PCDH9: variants seen among roughly 807,000 people sequenced by gnomAD.
PCDH9 encodes protocadherin 9, also known as protocadherin-9.
PCDH9 carries 24 observed loss-of-function variants against 70.6 expected under a neutral mutation model. The ratio of observed to expected loss-of-function variants is 0.34; its 90% CI spans 0.25 to 0.48. The LOEUF is 0.48. Among genes scored for constraint, PCDH9 ranks in the 20% least tolerant of loss-of-function variants. PCDH9 has a pLI of 0.99. For missense variants in PCDH9, 1,281 were observed against 1,503.6 expected (o/e 0.85, Z 2.45); for synonymous variants, 562 against 558.5 (o/e 1.01, Z -0.09).
chr13:66,766,087 G>A (rs1360731666), intron 3 of PCDH9, among the ~76,000 whole-genome samples: 1 of 151,930 alleles, frequency 6.6e-6, no homozygotes, highest in Non-Finnish European at 1.5e-5. Flanking sequence ...ATTCCAAAGA[G>A]ATATTTAATA....
intron 4 of PCDH9, among the ~76,000 whole-genome samples, chr13:66,327,978 C>A (rs1461106095): frequency 6.6e-6 from 1 of 152,124 alleles, no homozygotes; most frequent in African/African-American, 2.4e-5. Flanking sequence ...AATCTGACAT[C>A]TAATTAATAA....
intron 4 of PCDH9, among the ~76,000 whole-genome samples, chr13:66,380,329 C>T (rs888201455): frequency 2.0e-5 from 3 of 152,012 alleles, no homozygotes; most frequent in Non-Finnish European, 4.4e-5. Flanking sequence ...CTGTCAATAC[C>T]AATGGCATCT....
chr13:66,563,029 A>G (rs1462315391), intron 4 of PCDH9, among the ~76,000 whole-genome samples: 2 of 152,084 alleles, frequency 1.3e-5, no homozygotes, highest in African/African-American at 4.8e-5. Flanking sequence ...TCCTTATCGA[A>G]TTCATTGACT....
intron 4 of PCDH9, among the ~76,000 whole-genome samples, chr13:66,330,783 G>A (rs1480393754): frequency 6.6e-6 from 1 of 152,164 alleles, no homozygotes; most frequent in African/African-American, 2.4e-5. Flanking sequence ...ACAAATGCCT[G>A]CAGTATGCTA....
At chr13:66,905,398 T>G (rs188735179) in intron 2 of PCDH9, among the ~76,000 whole-genome samples, 1 of 152,284 alleles carries the variant, frequency 6.6e-6, no homozygotes, top group Admixed American at 6.5e-5. Context: ...GACTGTATAT[T>G]AGAATCACCT....
At chr13:66,538,500 T>C (rs921827382) in intron 4 of PCDH9, among the ~76,000 whole-genome samples, 4 of 152,100 alleles carry the variant, frequency 2.6e-5, no homozygotes, top group African/African-American at 7.2e-5. Flanking sequence ...CATATATACA[T>C]AGTGGAAGCT....
intron 3 of PCDH9, among the ~76,000 whole-genome samples, chr13:66,750,627 A>G (rs2079442802): frequency 6.6e-6 from 1 of 152,180 alleles, no homozygotes; most frequent in Non-Finnish European, 1.5e-5. Flanking sequence ...AGAATGACAA[A>G]TGAAAGACTA....
At chr13:67,098,312 T>C (rs2086363464) in intron 2 of PCDH9, among the ~76,000 whole-genome samples, 1 of 152,164 alleles carries the variant, frequency 6.6e-6, no homozygotes, top group African/African-American at 2.4e-5. Context: ...AACTAAGAGA[T>C]CTTGGAAGGA....
chr13:66,400,229 T>C (rs1957164370), intron 4 of PCDH9, among the ~76,000 whole-genome samples: 1 of 152,216 alleles, frequency 6.6e-6, no homozygotes, highest in South Asian at 2.1e-4. Flanking sequence ...TGATTTCTAA[T>C]AATCAGCTAA....
chr13:67,197,130 A>T (rs373141730), intron 2 of PCDH9, among the ~76,000 whole-genome samples: 43 of 152,150 alleles, frequency 2.8e-4, no homozygotes, highest in African/African-American at 9.9e-4. Flanking sequence ...GACTGCATAC[A>T]TCAAAAGGAG....
chr13:66,322,121 G>A (rs1955766820), intron 4 of PCDH9, among the ~76,000 whole-genome samples: 1 of 151,670 alleles, frequency 6.6e-6, no homozygotes, highest in Non-Finnish European at 1.5e-5. Flanking sequence ...GTCACATTAT[G>A]GTTTGCTGTT....
intron 4 of PCDH9, among the ~76,000 whole-genome samples, chr13:66,620,056 T>G (rs754322085): frequency 6.6e-6 from 1 of 152,226 alleles, no homozygotes; most frequent in Non-Finnish European, 1.5e-5. Context: ...TTTTATTTTA[T>G]ATTCTCTTTT....
chr13:67,172,373 A>G (rs960365755), intron 2 of PCDH9, among the ~76,000 whole-genome samples: 8 of 152,210 alleles, frequency 5.3e-5, no homozygotes, highest in Admixed American at 5.2e-4. Context: ...CTTTCTATAG[A>G]AAGATAAGCA....
chr13:66,953,665 T>A (rs1041277020), intron 2 of PCDH9, among the ~76,000 whole-genome samples: 10 of 152,202 alleles, frequency 6.6e-5, no homozygotes, highest in Non-Finnish European at 1.3e-4. Flanking sequence ...GGTGGTTTTA[T>A]GTTAAGTCTT....
At chr13:66,573,765 G>GTTTGT (rs1555308186) in intron 4 of PCDH9, among the ~76,000 whole-genome samples, 1 of 150,578 alleles carries the variant, frequency 6.6e-6, no homozygotes, top group East Asian at 1.9e-4. Context: ...TTGTTTGTTT[G>GTTTGT]TTTTTTTGGT....
chr13:66,688,866 G>C (rs1489666106), intron 3 of PCDH9, among the ~76,000 whole-genome samples: 1 of 152,038 alleles, frequency 6.6e-6, no homozygotes, highest in African/African-American at 2.4e-5. Context: ...GACATTCATT[G>C]TAACCACATG....
intron 4 of PCDH9, among the ~76,000 whole-genome samples, chr13:66,347,476 CAAAA>C (rs1358133869): frequency 6.6e-6 from 1 of 152,004 alleles, no homozygotes; most frequent in African/African-American, 2.4e-5. Flanking sequence ...GGAAAAAAAA[CAAAA>C]ACAAACAAAA....
chr13:66,379,611 T>A (rs1956807610), intron 4 of PCDH9, among the ~76,000 whole-genome samples: 1 of 152,140 alleles, frequency 6.6e-6, no homozygotes, highest in Admixed American at 6.6e-5. Context: ...CAGACCAAGG[T>A]AATGCTTACA....
At chr13:66,499,233 G>A (rs1343130216) in intron 4 of PCDH9, among the ~76,000 whole-genome samples, 1 of 151,718 alleles carries the variant, frequency 6.6e-6, no homozygotes, top group South Asian at 2.1e-4. Context: ...AAAAAGAAAA[G>A]GTGATGTTAA....
Sources: allele counts gnomAD v4.1 joint callset (sites outside exome capture counted in the v4.1 genomes callset), GRCh38; gene constraint gnomAD v4.1.1; transcripts MANE v1.5; gene names NCBI Gene and HGNC (gene_info 2026-07-23, HGNC 2026-07-21).